Variants in AFG2A observed in about 807,000 individuals in gnomAD.
AFG2A encodes ATPase family gene 2 protein homolog A.
At chr4:123,081,394 C>G in the AFG2A span, among the ~76,000 whole-genome samples, 3 of 152,180 alleles carry the variant, frequency 2.0e-5, 1 homozygote, top group Admixed American at 2.0e-4. Context: ...CAATATGTAG[C>G]TTTTCCAGAT....
the AFG2A span, among the ~76,000 whole-genome samples, chr4:123,171,427 C>T: frequency 6.6e-6 from 1 of 151,956 alleles, no homozygotes; most frequent in Non-Finnish European, 1.5e-5. Context: ...AGAAGGCAAA[C>T]AGGAATAGGC....
chr4:123,194,286 A>G, the AFG2A span, among the ~76,000 whole-genome samples: 3,207 of 152,314 alleles, frequency 0.021, 64 homozygotes, highest in Non-Finnish European at 0.035. Context: ...CCACACATAA[A>G]AAACAAAATA....
the AFG2A span, among the ~76,000 whole-genome samples, chr4:123,205,872 T>G: frequency 6.6e-6 from 1 of 152,204 alleles, no homozygotes. Context: ...CACAGCTGAT[T>G]AAAATACCTT....
At chr4:123,251,469 C>A in the AFG2A span, among the ~76,000 whole-genome samples, 2 of 152,038 alleles carry the variant, frequency 1.3e-5, no homozygotes, top group African/African-American at 4.8e-5. Flanking sequence ...CATTTAGAAA[C>A]CCCAGATTTC....
the AFG2A span, among the ~76,000 whole-genome samples, chr4:123,154,961 C>T: frequency 6.6e-6 from 1 of 151,988 alleles, no homozygotes; most frequent in Non-Finnish European, 1.5e-5. Flanking sequence ...CTGCCCCTGC[C>T]TGCTTCCCTC....
the AFG2A span, among the ~76,000 whole-genome samples, chr4:123,162,232 A>G: frequency 2.6e-5 from 4 of 152,224 alleles, no homozygotes; most frequent in Admixed American, 1.3e-4. Flanking sequence ...ATTTTTTATG[A>G]TAAAGGAGAA....
chr4:123,312,997 A>G, the AFG2A span, among the ~76,000 whole-genome samples: 2 of 152,318 alleles, frequency 1.3e-5, no homozygotes, highest in Admixed American at 1.3e-4. Flanking sequence ...GGCGCAGTCA[A>G]TATCAATCAC....
chr4:123,262,663 C>T, the AFG2A span, among the ~76,000 whole-genome samples: 3 of 152,198 alleles, frequency 2.0e-5, no homozygotes, highest in African/African-American at 7.2e-5. Context: ...TCTTTACCTA[C>T]CTTGTTTTCA....
the AFG2A span, among the ~76,000 whole-genome samples, chr4:123,085,682 G>A: frequency 6.6e-6 from 1 of 152,038 alleles, no homozygotes; most frequent in South Asian, 2.1e-4. Flanking sequence ...GGTGCATTTA[G>A]GCCGTTGATG....
At chr4:123,306,570 T>C in the AFG2A span, among the ~76,000 whole-genome samples, 2 of 152,088 alleles carry the variant, frequency 1.3e-5, no homozygotes, top group Non-Finnish European at 2.9e-5. Flanking sequence ...CTTTTTTTTT[T>C]CTGAGATGGG....
At chr4:122,934,635 C>G in the AFG2A span, 1 of 1,613,718 alleles carries the variant, frequency 6.2e-7, no homozygotes. Flanking sequence ...ACAACCAATT[C>G]AAAGTAACTT....
chr4:123,138,032 C>T, the AFG2A span, among the ~76,000 whole-genome samples: 3 of 152,202 alleles, frequency 2.0e-5, no homozygotes, highest in African/African-American at 7.2e-5. Context: ...CATTAAGTTG[C>T]CTTTTAGCCC....
chr4:123,141,464 A>AAAAAC, the AFG2A span, among the ~76,000 whole-genome samples: 8 of 152,176 alleles, frequency 5.3e-5, no homozygotes, highest in Admixed American at 3.3e-4. Flanking sequence ...ACTCGGTCTC[A>AAAAAC]AAAACAAAAC....
chr4:123,113,499 TA>T, the AFG2A span, among the ~76,000 whole-genome samples: 5,877 of 148,092 alleles, frequency 0.04, 229 homozygotes, highest in African/African-American at 0.11. Context: ...CAGTTAATAT[TA>T]AAAAAAAAAA....
At chr4:123,256,440 C>A in the AFG2A span, among the ~76,000 whole-genome samples, 4 of 152,304 alleles carry the variant, frequency 2.6e-5, no homozygotes, top group Admixed American at 2.0e-4. Flanking sequence ...GTGAGAAGAA[C>A]ACTAGACTAG....
the AFG2A span, among the ~76,000 whole-genome samples, chr4:123,153,732 A>C: frequency 6.6e-6 from 1 of 152,316 alleles, no homozygotes; most frequent in East Asian, 1.9e-4. Context: ...GCACAATAAA[A>C]CCACAGTAGG....
At chr4:123,183,306 A>G in the AFG2A span, among the ~76,000 whole-genome samples, 1 of 152,336 alleles carries the variant, frequency 6.6e-6, no homozygotes, top group African/African-American at 2.4e-5. Flanking sequence ...AAATAATATA[A>G]CATGTAAATG....
the AFG2A span, among the ~76,000 whole-genome samples, chr4:123,099,265 G>A: frequency 1.3e-5 from 2 of 151,720 alleles, no homozygotes; most frequent in African/African-American, 4.8e-5. Flanking sequence ...CACCTTATCA[G>A]GTTTGGTTTA....
the AFG2A span, among the ~76,000 whole-genome samples, chr4:123,015,417 T>C: frequency 6.6e-6 from 1 of 152,016 alleles, no homozygotes; most frequent in Non-Finnish European, 1.5e-5. Context: ...AAGCATCTGT[T>C]TAACAAAGCA....
Sources: allele counts gnomAD v4.1 joint callset (sites outside exome capture counted in the v4.1 genomes callset), GRCh38; gene constraint gnomAD v4.1.1; transcripts MANE v1.5; gene names NCBI Gene and HGNC (gene_info 2026-07-23, HGNC 2026-07-21).